The following RIMBP2 variants were observed in gnomAD, a reference collection of about 807,000 sequenced individuals.
RIMBP2 encodes RIMS-binding protein 2.
Under a neutral mutation model 118.6 loss-of-function variants are expected in RIMBP2, and 48 were observed. That is an observed-to-expected ratio of 0.40 (90% CI 0.32 to 0.51). The LOEUF (loss-of-function observed/expected upper bound fraction) is 0.51, where lower values mean the gene tolerates loss of function less well. Among genes scored for constraint, RIMBP2 ranks in the 20% least tolerant of loss-of-function variants. The probability of loss-of-function intolerance (pLI) is 0.41; values close to 1 mark genes in which losing one functional copy is unlikely to be tolerated. For synonymous variants in RIMBP2, 762 were observed against 742.9 expected, an observed-to-expected ratio of 1.03 and a Z score of -0.42; for missense variants, 1,551 against 1,768.3, an observed-to-expected ratio of 0.88 and a Z score of 2.20.
chr12:130,713,144 T>G (rs2136910307), intron 1 of RIMBP2, among the ~76,000 whole-genome samples: 1 of 95,696 alleles, frequency 1.0e-5, no homozygotes, highest in East Asian at 3.1e-4. Flanking sequence ...GGACAGAGAC[T>G]GAAAGAAACG....
intron 19 of RIMBP2, among the ~76,000 whole-genome samples, chr12:130,411,620 G>A (rs1413039333): frequency 6.6e-6 from 1 of 152,178 alleles, no homozygotes; most frequent in Non-Finnish European, 1.5e-5. Flanking sequence ...TATACTTTCT[G>A]GGTCTGTGGT....
At chr12:130,519,146 T>C (rs577743965) in intron 2 of RIMBP2, among the ~76,000 whole-genome samples, 8 of 152,380 alleles carry the variant, frequency 5.3e-5, no homozygotes, top group African/African-American at 1.7e-4. Flanking sequence ...ACATCTTGAA[T>C]TGATCTGGTT....
chr12:130,629,974 T>TTA lies in RIMBP2; in HGVS notation c.-351-1519_-351-1518insTA, dbSNP rs1555313849. Among the ~76,000 whole-genome samples the TTA allele has an allele frequency of 2.6e-3, 273 of 104,522 alleles. 2 individuals carry two copies. The highest frequency in any genetic ancestry group is 8.7e-3 in the African/African-American group (244 of 27,982). 68.6% of individuals were successfully genotyped at this position (104,522 alleles called of 152,430 possible). ...ATCATCCAGCCAACCAATCAAGCTT[T>TTA]AAAAAAAAAAAAAAAAAAGCAACAA... On this transcript the variant is annotated intron_variant, in intron 1 of 22. Coordinates refer to ENST00000690449, the MANE Select transcript of RIMBP2 (RefSeq NM_001393629.1).
At chr12:130,497,100 C>T (rs1324376684) in intron 4 of RIMBP2, among the ~76,000 whole-genome samples, 1 of 152,184 alleles carries the variant, frequency 6.6e-6, no homozygotes, top group Non-Finnish European at 1.5e-5. Context: ...CCCTGAGCGT[C>T]TGTGTCTCTA....
intron 21 of RIMBP2, among the ~76,000 whole-genome samples, chr12:130,402,442 G>A (rs6486538): frequency 0.3 from 45,217 of 151,820 alleles, 7,180 homozygotes; most frequent in East Asian, 0.65. Flanking sequence ...GACGTATTTC[G>A]GGCCATGTTT....
intron 2 of RIMBP2, among the ~76,000 whole-genome samples, chr12:130,614,728 T>C (rs2060792263): frequency 6.6e-6 from 1 of 152,144 alleles, no homozygotes; most frequent in Admixed American, 6.5e-5. Flanking sequence ...AATTGTGGTG[T>C]ATCCGTGCCA....
chr12:130,476,130 G>C (rs1309519042), intron 5 of RIMBP2, among the ~76,000 whole-genome samples: 1 of 152,256 alleles, frequency 6.6e-6, no homozygotes, highest in East Asian at 2.0e-4. Context: ...GAAACCAGGA[G>C]AGGGTGGTAT....
intron 2 of RIMBP2, among the ~76,000 whole-genome samples, chr12:130,601,399 G>C (rs958529766): frequency 7.4e-6 from 1 of 135,024 alleles, no homozygotes; most frequent in African/African-American, 2.7e-5. Flanking sequence ...TTTACTTCTT[G>C]TTGGATTGAC....
intron 15 of RIMBP2, 38 bp downstream of exon 15, chr12:130,428,141 G>C (rs1566015502): frequency 6.5e-7 from 1 of 1,547,572 alleles, no homozygotes; most frequent in Admixed American, 1.9e-5. Flanking sequence ...AGCTACTCTG[G>C]GGACGGAGTG....
intron 17 of RIMBP2, among the ~76,000 whole-genome samples, chr12:130,421,518 T>C (rs2076402630): frequency 6.6e-6 from 1 of 152,214 alleles, no homozygotes; most frequent in South Asian, 2.1e-4. Flanking sequence ...TCATTTTGAA[T>C]TGATGGAAAA....
At position 130,453,980 on chromosome 12, in the gene RIMBP2, G is replaced by A. The variant is rs1183310342; in HGVS notation, c.358+2516C>T. Among the ~76,000 whole-genome samples, 3 of 151,328 alleles carry A rather than the reference G, an allele frequency of 2.0e-5. No homozygotes were observed. The East Asian group carries it at 5.8e-4, about 29-fold the overall frequency. On this transcript the variant is annotated intron_variant, in intron 7 of 22. Coordinates refer to ENST00000690449, the MANE Select transcript of RIMBP2 (RefSeq NM_001393629.1). Reference sequence around the variant, plus strand: ...GAGGCAGGAGAATCGCTTGAACCTGGGAGGCGGGGCTTGTACTGAGCCGAG... The same window carrying A: ...GAGGCAGGAGAATCGCTTGAACCTGAGAGGCGGGGCTTGTACTGAGCCGAG...
At chr12:130,474,008 A>G (rs1052038189) in intron 5 of RIMBP2, among the ~76,000 whole-genome samples, 18 of 152,198 alleles carry the variant, frequency 1.2e-4, no homozygotes, top group Non-Finnish European at 2.6e-4. Flanking sequence ...ATAAATACGG[A>G]AAAGCCCTTT....
At position 130,446,029 on chromosome 12, in the gene RIMBP2, CACA is replaced by C. The variant is rs759663192; in HGVS notation, c.582-763_582-761del. The stretch of plus-strand genomic sequence containing the variant: ...CGCATGATTTTATGCTCCCCCCCCC[CACA>C]CCCCCAGGAATATAAGAGTATCCAT... On this transcript the variant is annotated intron_variant, in intron 9 of 22. Transcript: ENST00000690449. This position sits in a 1 kb window ranked among gnomAD's most constrained non-coding sequence, Gnocchi z 4.1. Among the ~76,000 whole-genome samples the C allele has an allele frequency of 1.4e-5, 2 of 144,470 alleles. No homozygotes were observed. Among genetic ancestry groups the C allele is most frequent in the Admixed American group, 6.9e-5 (1 of 14,412 alleles). 94.8% of individuals were successfully genotyped at this position (144,470 alleles called of 152,430 possible).
At chr12:130,407,664 T>C in intron 20 of RIMBP2, 62 bp downstream of exon 20, 1 of 1,315,800 alleles carries the variant, frequency 7.6e-7, no homozygotes, top group Non-Finnish European at 1.1e-6. Context: ...CAGTGTGGTG[T>C]ACCACGAGGG....
chr12:130,673,015 A>C (rs12308698), intron 1 of RIMBP2, among the ~76,000 whole-genome samples: 87,903 of 151,564 alleles, frequency 0.58, 25,725 homozygotes, highest in East Asian at 0.72. Flanking sequence ...ACAAAGGAAG[A>C]CCCAGAGAAA....
chr12:130,481,694 G>T (rs1049857516), intron 4 of RIMBP2, among the ~76,000 whole-genome samples: 53 of 152,312 alleles, frequency 3.5e-4, no homozygotes, highest in African/African-American at 1.2e-3. Context: ...AGTTCACTCT[G>T]GGGCCAGATG....
At chr12:130,714,208 G>A (rs956503366) in intron 1 of RIMBP2, among the ~76,000 whole-genome samples, 4 of 152,232 alleles carry the variant, frequency 2.6e-5, no homozygotes, top group African/African-American at 9.7e-5. Flanking sequence ...CCCGCCCCCT[G>A]AGCACATGCT....
At chr12:130,664,407 G>GCACGCACACGCACGCACACACGCACACA (rs1566438910) in intron 1 of RIMBP2, among the ~76,000 whole-genome samples, 4 of 86,072 alleles carry the variant, frequency 4.6e-5, no homozygotes, top group Non-Finnish European at 8.4e-5. Context: ...ACGCACGCAC[G>GCACGCACACGCACGCACACACGCACACA]CACGCACACA....
chr12:130,484,765 C>A (rs1398825222), intron 4 of RIMBP2, among the ~76,000 whole-genome samples: 1 of 152,240 alleles, frequency 6.6e-6, no homozygotes, highest in East Asian at 1.9e-4. Flanking sequence ...GGGAAAAGTG[C>A]TTCCAGCATT....
Sources: allele counts gnomAD v4.1 joint callset (sites outside exome capture counted in the v4.1 genomes callset), GRCh38; gene constraint gnomAD v4.1.1; non-coding constraint Gnocchi (gnomAD v3.1); transcripts MANE v1.5; gene names NCBI Gene and HGNC (gene_info 2026-07-23, HGNC 2026-07-21).